NKAIN2: variants seen among roughly 807,000 people sequenced by gnomAD.
The protein encoded by NKAIN2 is sodium/potassium transporting ATPase interacting 2.
A neutral mutation model predicts 32.6 loss-of-function variants in NKAIN2; 14 were observed. The ratio of observed to expected loss-of-function variants is 0.43; its 90% CI spans 0.28 to 0.67. NKAIN2 has a LOEUF of 0.67. NKAIN2 is among the 30% of genes least tolerant of loss of function. The pLI is 0.17. For missense variants in NKAIN2, 198 were observed against 258.3 expected (o/e 0.77, Z 1.60); for synonymous variants, 80 against 87.2 (o/e 0.92, Z 0.46).
intron 3 of NKAIN2, among the ~76,000 whole-genome samples, chr6:124,601,004 C>T (rs562240099): frequency 1.3e-5 from 2 of 152,078 alleles, no homozygotes; most frequent in African/African-American, 4.8e-5. Context: ...GCTGCAGGTG[C>T]TATTTTTTAA....
At chr6:124,510,309 G>A (rs774832892) in intron 3 of NKAIN2, among the ~76,000 whole-genome samples, 2 of 152,004 alleles carry the variant, frequency 1.3e-5, no homozygotes, top group Admixed American at 1.3e-4. Flanking sequence ...GAATTTGAAT[G>A]GGATCTTATT....
intron 1 of NKAIN2, among the ~76,000 whole-genome samples, chr6:124,045,466 A>G (rs941928788): frequency 7.9e-5 from 12 of 152,168 alleles, no homozygotes; most frequent in African/African-American, 2.4e-4. Flanking sequence ...AATTAATATT[A>G]AACACATTCT....
chr6:124,615,080 C>T (rs1250922520), intron 3 of NKAIN2, among the ~76,000 whole-genome samples: 4 of 152,114 alleles, frequency 2.6e-5, no homozygotes, highest in South Asian at 2.1e-4. Context: ...TCTACTCCTT[C>T]GCACTAATTT....
intron 1 of NKAIN2, among the ~76,000 whole-genome samples, chr6:124,210,655 T>C (rs907306136): frequency 2.0e-5 from 3 of 151,916 alleles, no homozygotes; most frequent in African/African-American, 7.2e-5. Context: ...TTTGGTTAAG[T>C]TTATTTCTAG....
At chr6:124,699,751 G>T (rs1774681409) in intron 4 of NKAIN2, among the ~76,000 whole-genome samples, 1 of 152,156 alleles carries the variant, frequency 6.6e-6, no homozygotes, top group African/African-American at 2.4e-5. Flanking sequence ...TGTACAGCCT[G>T]CAGAGTCGTG....
rs369262954 is a variant in NKAIN2, at chr6:124,223,212, C to CAAA, written c.55-59769_55-59767dup. On this transcript the variant is annotated intron_variant, in intron 1 of 6. Transcript: ENST00000368417. ...TGGGCGACAGTGTGAGACTCCATCT[C>CAAA]AAAAAAAAAAAAAAAAAAAAAAAAA... 1.3e-3 allele frequency among the ~76,000 whole-genome samples: 89 copies of CAAA among 68,198 alleles called. 4 individuals are homozygous for CAAA. The highest frequency in any genetic ancestry group is 4.4e-3 in the African/African-American group (75 of 17,018). 44.7% of individuals were successfully genotyped at this position (68,198 alleles called of 152,430 possible).
At chr6:124,310,469 A>AT (rs951238628) in intron 2 of NKAIN2, among the ~76,000 whole-genome samples, 24 of 151,672 alleles carry the variant, frequency 1.6e-4, no homozygotes, top group East Asian at 9.7e-4. Flanking sequence ...TGGGCTACAG[A>AT]TTTTTTTTTC....
intron 3 of NKAIN2, among the ~76,000 whole-genome samples, chr6:124,455,417 C>A (rs1776282477): frequency 6.6e-6 from 1 of 151,802 alleles, no homozygotes; most frequent in Non-Finnish European, 1.5e-5. Context: ...TAGGGTTGAT[C>A]TAGTTTTCGA....
chr6:124,147,910 T>G (rs1210171593), intron 1 of NKAIN2, among the ~76,000 whole-genome samples: 1 of 152,172 alleles, frequency 6.6e-6, no homozygotes, highest in Non-Finnish European at 1.5e-5. Context: ...ATTTAGAGTA[T>G]AAAAACTTCC....
intron 2 of NKAIN2, among the ~76,000 whole-genome samples, chr6:124,349,619 AGT>A (rs746710203): frequency 6.6e-5 from 10 of 152,298 alleles, no homozygotes; most frequent in Non-Finnish European, 1.5e-4. Flanking sequence ...ATTTAATAAA[AGT>A]GAACTCATTC....
intron 4 of NKAIN2, among the ~76,000 whole-genome samples, chr6:124,701,198 A>C (rs1312161481): frequency 6.6e-6 from 1 of 151,676 alleles, no homozygotes; most frequent in Admixed American, 6.6e-5. Flanking sequence ...TACATATAAA[A>C]AACTGAGCTA....
chr6:124,131,370 A>G (rs1053288887), intron 1 of NKAIN2, among the ~76,000 whole-genome samples: 6 of 152,138 alleles, frequency 3.9e-5, no homozygotes, highest in African/African-American at 1.2e-4. Context: ...AAGATGGTGA[A>G]TAGGAGGCAG....
intron 1 of NKAIN2, among the ~76,000 whole-genome samples, chr6:124,132,851 G>T (rs907519974): frequency 3.3e-5 from 5 of 152,206 alleles, no homozygotes; most frequent in Admixed American, 3.3e-4. Flanking sequence ...GCCTGGAAGA[G>T]CAATAATAAT....
intron 1 of NKAIN2, 142 bp from the exon 2 acceptor site, chr6:124,282,863 C>T (rs375565241): frequency 3.7e-5 from 26 of 698,546 alleles, no homozygotes; most frequent in East Asian, 2.8e-4. Flanking sequence ...ATGTCATTCT[C>T]GCTGTTAGTT....
At chr6:124,496,513 C>T (rs1778069576) in intron 3 of NKAIN2, among the ~76,000 whole-genome samples, 2 of 152,058 alleles carry the variant, frequency 1.3e-5, no homozygotes, top group African/African-American at 4.8e-5. Context: ...ATAAGTGCTT[C>T]AGTGTGCTGT....
rs1378211001 is a variant in NKAIN2 at position 124,210,595 on chromosome 6, A to G, written c.55-72410A>G. ...CTTTCATTCTTTTGTGTCCTCTTCAATTTCCTTCATCAATATTTTACAGTT... is the reference window on the plus strand; with the variant it reads ...CTTTCATTCTTTTGTGTCCTCTTCAGTTTCCTTCATCAATATTTTACAGTT... On this transcript the variant is annotated intron_variant, in intron 1 of 6. Coordinates refer to ENST00000368417, the MANE Select transcript of NKAIN2 (RefSeq NM_001040214.3). Among the ~76,000 whole-genome samples, 3 of 151,654 alleles carry G rather than the reference A, an allele frequency of 2.0e-5. No homozygotes were observed. The East Asian group carries it at 5.8e-4, about 29-fold the overall frequency.
At chr6:123,955,090 T>G (rs1254585701) in intron 1 of NKAIN2, among the ~76,000 whole-genome samples, 4 of 151,732 alleles carry the variant, frequency 2.6e-5, no homozygotes, top group Non-Finnish European at 5.9e-5. Context: ...TATACCAATA[T>G]TTATTCTTCC....
At chr6:124,002,520 T>A (rs952673541) in intron 1 of NKAIN2, among the ~76,000 whole-genome samples, 4 of 152,050 alleles carry the variant, frequency 2.6e-5, no homozygotes, top group Admixed American at 6.6e-5. Context: ...TCCTTGGGTA[T>A]TATCCTGACC....
rs139380436 is a variant in NKAIN2, at chr6:124,224,215, A to T, written c.55-58790A>T. Among the ~76,000 whole-genome samples the T allele has an allele frequency of 8.4e-3, 1,279 of 152,244 alleles. 13 individuals are homozygous for T. The highest frequency in any genetic ancestry group is 0.027 in the African/African-American group (1,138 of 41,554). On this transcript the variant is annotated intron_variant, in intron 1 of 6. Coordinates refer to ENST00000368417, the MANE Select transcript of NKAIN2 (RefSeq NM_001040214.3). ...CATGCATTCACATATGCGTGCACAT[A>T]CACACATACATATATATTTGTATTT...
Sources: gnomAD v4.1 joint callset for allele counts (sites outside exome capture counted in the v4.1 genomes callset) on GRCh38, gnomAD v4.1.1 for gene constraint, MANE v1.5 for transcripts, NCBI Gene and HGNC (gene_info 2026-07-23, HGNC 2026-07-21) for gene names.